The following SCARB1 variants were observed in gnomAD, a reference collection of about 807,000 sequenced individuals.
SCARB1 encodes scavenger receptor class B member 1.
In SCARB1, 30 loss-of-function variants were observed where a neutral mutation model predicts 57.2. The ratio of observed to expected loss-of-function variants is 0.52; its 90% confidence interval spans 0.39 to 0.71. The LOEUF is 0.71. Among genes scored for constraint, SCARB1 ranks in the 30% least tolerant of loss-of-function variants. The probability of loss-of-function intolerance (pLI) is 0.00; values close to 1 mark genes in which losing one functional copy is unlikely to be tolerated. For missense variants in SCARB1, 543 were observed against 671.2 expected, an observed-to-expected ratio of 0.81 and a Z score of 2.11; for synonymous variants, 249 against 268.3, an observed-to-expected ratio of 0.93 and a Z score of 0.70.
intron 1 of SCARB1, among the ~76,000 whole-genome samples, chr12:124,848,020 G>A (rs1337301086): frequency 6.6e-6 from 1 of 151,966 alleles, no homozygotes; most frequent in African/African-American, 2.4e-5. Context: ...CTGGAGAACA[G>A]GTCTGGATTA....
intron 9 of SCARB1, among the ~76,000 whole-genome samples, chr12:124,794,462 G>A (rs1369427262): frequency 1.4e-5 from 2 of 144,682 alleles, no homozygotes; most frequent in Non-Finnish European, 3.0e-5. Flanking sequence ...GTGCAGTGGC[G>A]CGATCTCGGC....
At chr12:124,828,487 C>T (rs1459204614) in intron 1 of SCARB1, among the ~76,000 whole-genome samples, 6 of 152,210 alleles carry the variant, frequency 3.9e-5, no homozygotes. Context: ...CCCTGAGACG[C>T]CCCTGCCCTC....
At chr12:124,793,342 G>T (rs1431141375) in intron 9 of SCARB1, among the ~76,000 whole-genome samples, 4 of 152,146 alleles carry the variant, frequency 2.6e-5, no homozygotes, top group Admixed American at 2.0e-4. Context: ...AACGTGTAAT[G>T]TTATAGCAAG....
rs776876716 is a variant in SCARB1 at position 124,817,582 on chromosome 12, C to G, written c.252G>C (p.Pro84=). ...NPSEILKGEK[P]QVRERGPYVY... is the part of the protein sequence containing the mutation. ...CGTAGGGCCCGCGCTCCCGCACCTG[C>G]GGCTTCTCGCCCTTCAGGATCTCGC... Residue 84 remains proline (P), a synonymous_variant, in exon 2 of 13, where the codon CCG becomes CCC. Coordinates refer to ENST00000261693, the MANE Select transcript of SCARB1 (RefSeq NM_005505.5). This position sits in a 1 kb window ranked among gnomAD's most constrained non-coding sequence, Gnocchi z 4.8. 1 of 1,614,186 alleles carries G rather than the reference C, an allele frequency of 6.2e-7. No individual in the cohort carries two copies. The highest frequency in any genetic ancestry group is 8.5e-7 in the Non-Finnish European group (1 of 1,180,040).
chr12:124,847,155 A>G (rs58217951), intron 1 of SCARB1, among the ~76,000 whole-genome samples: 24 of 152,366 alleles, frequency 1.6e-4, no homozygotes, highest in African/African-American at 5.5e-4. Flanking sequence ...CCTCAAAGTG[A>G]GCAAATTTCA....
chr12:124,795,468 C>A (rs1014815713), intron 8 of SCARB1, among the ~76,000 whole-genome samples, 200 bp from the exon 9 acceptor site: 1 of 152,148 alleles, frequency 6.6e-6, no homozygotes, highest in African/African-American at 2.4e-5. Flanking sequence ...GCACTGGGAT[C>A]TCCTCTCCTG....
At chr12:124,790,185 G>A (rs1238813294) in intron 9 of SCARB1, among the ~76,000 whole-genome samples, 2 of 151,672 alleles carry the variant, frequency 1.3e-5, no homozygotes, top group African/African-American at 2.4e-5. Context: ...GACCAGCCTG[G>A]GCAACATAGT....
intron 1 of SCARB1, among the ~76,000 whole-genome samples, chr12:124,823,671 C>T (rs1047372949): frequency 2.0e-5 from 3 of 152,118 alleles, no homozygotes; most frequent in African/African-American, 7.2e-5. Context: ...AAAAACAACA[C>T]GTACAAGAAT....
Position 124,863,807 on chromosome 12 carries a change from G to A in SCARB1, c.-87C>T, listed in dbSNP as rs1953005404. 1 of 1,362,258 alleles carries A rather than the reference G, an allele frequency of 7.3e-7. No individual in the cohort carries two copies. The highest frequency in any genetic ancestry group is 9.4e-7 in the Non-Finnish European group (1 of 1,060,990). 84.4% of individuals were successfully genotyped at this position (1,362,258 alleles called of 1,614,324 possible). On this transcript the variant is annotated 5_prime_UTR_variant, in exon 1 of 13. Coordinates refer to ENST00000261693, the MANE Select transcript of SCARB1 (RefSeq NM_005505.5). The stretch of plus-strand genomic sequence containing the variant: ...CGGCGACAGAGACGACACAGGCGGG[G>A]ACTCCGGGCACGCAGGCCGCAGAGG...
intron 1 of SCARB1, among the ~76,000 whole-genome samples, chr12:124,845,184 G>C (rs1025722445): frequency 6.6e-6 from 1 of 152,112 alleles, no homozygotes; most frequent in Non-Finnish European, 1.5e-5. Context: ...GAACATGCGC[G>C]CTCCCAGCAG....
intron 11 of SCARB1, chr12:124,785,606 T>C (rs774675518): frequency 3.1e-5 from 5 of 162,294 alleles, no homozygotes; most frequent in African/African-American, 7.2e-5. Flanking sequence ...CTGCATTCAG[T>C]TGGTGAGCCC....
chr12:124,805,579 G>C (rs552343281), intron 7 of SCARB1, among the ~76,000 whole-genome samples: 8 of 152,064 alleles, frequency 5.3e-5, no homozygotes, highest in South Asian at 2.1e-4. Flanking sequence ...CATATTTTTC[G>C]AGATGGGTCT....
chr12:124,797,567 T>C (rs545628053), intron 8 of SCARB1, among the ~76,000 whole-genome samples: 2 of 152,348 alleles, frequency 1.3e-5, no homozygotes, highest in East Asian at 1.9e-4. Flanking sequence ...GCAAAACAGC[T>C]GTTTGCCTCT....
chr12:124,837,289 A>G (rs1239622320), intron 1 of SCARB1, among the ~76,000 whole-genome samples: 1 of 152,032 alleles, frequency 6.6e-6, no homozygotes, highest in Admixed American at 6.6e-5. Context: ...TCAAGCAAAA[A>G]CATTATTCTT....
chr12:124,837,081 T>C (rs1951677053), intron 1 of SCARB1, among the ~76,000 whole-genome samples: 1 of 152,100 alleles, frequency 6.6e-6, no homozygotes, highest in Non-Finnish European at 1.5e-5. Flanking sequence ...CAACCTCTCC[T>C]TCCCCGCCAA....
chr12:124,856,049 CCGGCGGAGGCACA>C (rs1315233913), intron 1 of SCARB1, among the ~76,000 whole-genome samples: 1 of 152,232 alleles, frequency 6.6e-6, no homozygotes, highest in Non-Finnish European at 1.5e-5. Flanking sequence ...GGTGCATCTC[CCGGCGGAGGCACA>C]GCAAGTACCG....
At chr12:124,786,725 C>T (rs1949536150) in intron 10 of SCARB1, among the ~76,000 whole-genome samples, 1 of 152,230 alleles carries the variant, frequency 6.6e-6, no homozygotes, top group Non-Finnish European at 1.5e-5. Flanking sequence ...GCCATATGAT[C>T]GTGTCCTGAC....
chr12:124,831,303 T>C (rs967335912), intron 1 of SCARB1, among the ~76,000 whole-genome samples: 7 of 151,322 alleles, frequency 4.6e-5, no homozygotes, highest in Non-Finnish European at 7.4e-5. Context: ...TTGACAGAAA[T>C]GGGGTTTTAC....
intron 11 of SCARB1, 29 bp from the exon 12 acceptor site, chr12:124,782,840 T>C (rs369510743): frequency 4.0e-5 from 64 of 1,613,544 alleles, no homozygotes; most frequent in Non-Finnish European, 5.3e-5. Context: ...AATTTATAGT[T>C]GACGTTGAAG....
Sources: allele counts gnomAD v4.1 joint callset (sites outside exome capture counted in the v4.1 genomes callset), GRCh38; gene constraint gnomAD v4.1.1; non-coding constraint Gnocchi (gnomAD v3.1); transcripts MANE v1.5; gene names NCBI Gene and HGNC (gene_info 2026-07-23, HGNC 2026-07-21).